Variants in NRXN3 observed in about 807,000 individuals in gnomAD.
NRXN3 encodes neurexin 3.
Under a neutral mutation model 137.6 loss-of-function variants are expected in NRXN3, and 32 were observed. That is an observed-to-expected ratio of 0.23 (90% CI 0.18 to 0.31). The LOEUF (loss-of-function observed/expected upper bound fraction) is 0.31. NRXN3 is among the 10% of genes least tolerant of loss of function. The pLI, the probability that NRXN3 is intolerant of heterozygous loss-of-function variation, is 1.00. For synonymous variants in NRXN3, 798 were observed against 784.5 expected, an observed-to-expected ratio of 1.02 and a Z score of -0.29; for missense variants, 1,574 against 2,062.5, an observed-to-expected ratio of 0.76 and a Z score of 4.59.
chr14:79,081,239 C>T (rs2046932705), intron 15 of NRXN3, among the ~76,000 whole-genome samples: 1 of 152,130 alleles, frequency 6.6e-6, no homozygotes, highest in African/African-American at 2.4e-5. Context: ...CTTGAAATCC[C>T]AAGTGGTTAA....
In NRXN3 at chr14:78,438,584, A is replaced by T. The variant is rs143054632; in HGVS notation, c.757+140724A>T. On this transcript the variant is annotated intron_variant, in intron 4 of 20. Coordinates refer to ENST00000335750, the MANE Select transcript of NRXN3 (RefSeq NM_001330195.2). ...ACTCTATCAGCCACTTAGCTGTACG[A>T]CACTGCCCCAAGCTCTTAGCCTCTA... Among the ~76,000 whole-genome samples the T allele has an allele frequency of 2.6e-5, 4 of 152,206 alleles. No homozygotes were observed. The East Asian group carries it at 7.8e-4, about 30-fold the overall frequency.
At chr14:78,499,766 T>G (rs1350349109) in intron 4 of NRXN3, among the ~76,000 whole-genome samples, 2 of 152,134 alleles carry the variant, frequency 1.3e-5, no homozygotes, top group Non-Finnish European at 2.9e-5. Context: ...GTTGTGGGAT[T>G]GAAGGTGTCA....
intron 10 of NRXN3, among the ~76,000 whole-genome samples, chr14:78,944,043 G>T (rs2099360498): frequency 6.6e-6 from 1 of 152,124 alleles, no homozygotes; most frequent in South Asian, 2.1e-4. Flanking sequence ...TAGGAGGGAA[G>T]TGGAGCTAAC....
At chr14:79,174,501 T>TTATATATATATATATA (rs68143466) in intron 15 of NRXN3, among the ~76,000 whole-genome samples, 76 of 143,546 alleles carry the variant, frequency 5.3e-4, no homozygotes, top group Middle Eastern at 3.6e-3. Flanking sequence ...ATTGAAAGTT[T>TTATATATATATATATA]TATATATATA....
intron 19 of NRXN3, among the ~76,000 whole-genome samples, chr14:79,779,333 G>T (rs549045051): frequency 6.6e-6 from 1 of 152,056 alleles, no homozygotes; most frequent in East Asian, 1.9e-4. Context: ...GGCTGGTCTC[G>T]AACTCCCGAC....
chr14:79,409,637 A>ATATATG (rs2095381942), intron 15 of NRXN3, among the ~76,000 whole-genome samples: 1 of 146,632 alleles, frequency 6.8e-6, no homozygotes, highest in Non-Finnish European at 1.5e-5. Flanking sequence ...ATATATATAT[A>ATATATG]TATATATCCT....
intron 15 of NRXN3, among the ~76,000 whole-genome samples, chr14:79,184,621 G>A (rs1302300505): frequency 6.6e-6 from 1 of 152,176 alleles, no homozygotes; most frequent in East Asian, 1.9e-4. Flanking sequence ...TGATAAAGGC[G>A]ACCTGAATAA....
chr14:79,652,758 T>G lies in NRXN3; in HGVS notation c.3445-11020T>G, dbSNP rs553206924. ...GAGGGAAAGCACTTTCCTTTTCATATTTCTGCTTGGGTGTCCAGATCATTC... is the reference window on the plus strand; with the variant it reads ...GAGGGAAAGCACTTTCCTTTTCATAGTTCTGCTTGGGTGTCCAGATCATTC... On this transcript the variant is annotated intron_variant, in intron 16 of 20. Coordinates refer to ENST00000335750, the MANE Select transcript of NRXN3 (RefSeq NM_001330195.2). Among the ~76,000 whole-genome samples, 10 of 152,142 alleles carry G rather than the reference T, an allele frequency of 6.6e-5. No individual in the cohort carries two copies. The Middle Eastern group carries it at 0.01, about 155-fold the overall frequency.
chr14:78,912,426 A>G (rs971538560), intron 10 of NRXN3, among the ~76,000 whole-genome samples: 5 of 151,878 alleles, frequency 3.3e-5, no homozygotes, highest in African/African-American at 1.2e-4. Flanking sequence ...ATAGCTTGAG[A>G]CTATATGTCT....
At chr14:78,362,326 A>G (rs1250248778) in intron 4 of NRXN3, among the ~76,000 whole-genome samples, 3 of 150,132 alleles carry the variant, frequency 2.0e-5, no homozygotes, top group Non-Finnish European at 4.4e-5. Flanking sequence ...AACTGGGGTT[A>G]GGTTTTCAGT....
chr14:79,715,307 T>C (rs887468635), intron 19 of NRXN3, among the ~76,000 whole-genome samples: 7 of 152,132 alleles, frequency 4.6e-5, no homozygotes, highest in Non-Finnish European at 7.4e-5. Context: ...AGGGTATGAT[T>C]TGACAATTGA....
intron 15 of NRXN3, among the ~76,000 whole-genome samples, chr14:79,006,645 A>G (rs575747647): frequency 3.4e-4 from 52 of 151,978 alleles, no homozygotes; most frequent in Non-Finnish European, 7.1e-4. Flanking sequence ...CTCTTTTTCT[A>G]TTATCCAGAC....
chr14:78,360,642 C>T (rs1468270665), intron 4 of NRXN3, among the ~76,000 whole-genome samples: 2 of 152,034 alleles, frequency 1.3e-5, no homozygotes, highest in South Asian at 2.1e-4. Flanking sequence ...AGTTAATACA[C>T]GTAAGGTACT....
chr14:78,523,759 G>T (rs1330348892), intron 4 of NRXN3, among the ~76,000 whole-genome samples: 1 of 141,974 alleles, frequency 7.0e-6, no homozygotes, highest in Non-Finnish European at 1.5e-5. Flanking sequence ...GGAGCTTGCA[G>T]TGAGCTGAGA....
rs1377092789 is a variant in NRXN3, at chr14:79,645,470, G to T, written c.3445-18308G>T. ...ATCTCTACTAAAAATACAAAAATCAGCCGGGTGTGGTGGCAGACACCTGTA... is the reference window on the plus strand; with the variant it reads ...ATCTCTACTAAAAATACAAAAATCATCCGGGTGTGGTGGCAGACACCTGTA... On this transcript the variant is annotated intron_variant, in intron 16 of 20. Coordinates refer to ENST00000335750, the MANE Select transcript of NRXN3 (RefSeq NM_001330195.2). 1.5e-5 allele frequency among the ~76,000 whole-genome samples: 2 copies of T among 133,590 alleles called. 1 individual carries two copies. Among genetic ancestry groups the T allele is most frequent in the Non-Finnish European group, 3.5e-5 (2 of 57,514 alleles). The allele number at this position is 133,590 out of a possible 152,430, so 87.6% of individuals were successfully genotyped here.
intron 19 of NRXN3, among the ~76,000 whole-genome samples, chr14:79,732,269 C>G (rs1299849854): frequency 1.3e-5 from 2 of 152,090 alleles, no homozygotes; most frequent in African/African-American, 2.4e-5. Context: ...CTAAGTCAAG[C>G]TAAGGTCATT....
intron 6 of NRXN3, among the ~76,000 whole-genome samples, chr14:78,655,045 G>GA (rs1435779047): frequency 6.6e-6 from 1 of 152,096 alleles, no homozygotes; most frequent in African/African-American, 2.4e-5. Context: ...GTTCCTCTAT[G>GA]AAAAATGGGT....
At chr14:78,893,520 C>G (rs17835836) in intron 10 of NRXN3, among the ~76,000 whole-genome samples, 4,373 of 151,878 alleles carry the variant, frequency 0.029, 115 homozygotes, top group South Asian at 0.066. Context: ...GTCGTGAAGA[C>G]CAGAAGTACT....
At chr14:78,961,531 G>T (rs747987040) in intron 11 of NRXN3, among the ~76,000 whole-genome samples, 1 of 152,188 alleles carries the variant, frequency 6.6e-6, no homozygotes, top group East Asian at 1.9e-4. Context: ...CAATCATTTC[G>T]GAGGAAGGGA....
Sources: allele counts gnomAD v4.1 joint callset (sites outside exome capture counted in the v4.1 genomes callset), GRCh38; gene constraint gnomAD v4.1.1; transcripts MANE v1.5; gene names NCBI Gene and HGNC (gene_info 2026-07-23, HGNC 2026-07-21).